The following HAUS3 variants were observed in gnomAD, a reference collection of about 807,000 sequenced individuals.
HAUS3 encodes HAUS augmin like complex subunit 3.
In HAUS3, 36 loss-of-function variants were observed where a neutral mutation model predicts 55.2. The ratio of observed to expected loss-of-function variants is 0.65; its 90% confidence interval spans 0.50 to 0.86. The LOEUF (loss-of-function observed/expected upper bound fraction) is 0.86. Ranked by LOEUF, HAUS3 falls within the 40% of genes least tolerant of loss-of-function variation. The probability of loss-of-function intolerance (pLI) is 0.00; values close to 1 mark genes in which losing one functional copy is unlikely to be tolerated. For synonymous variants in HAUS3, 234 were observed against 238.6 expected, an observed-to-expected ratio of 0.98 and a Z score of 0.18; for missense variants, 752 against 671.5, an observed-to-expected ratio of 1.12 and a Z score of -1.33.
At position 2,238,670 on chromosome 4, in the gene HAUS3, T is replaced by C; in HGVS notation, c.1283A>G (p.Asp428Gly). 2 of 1,613,224 alleles carry C rather than the reference T, an allele frequency of 1.2e-6. No individual in the cohort carries two copies. Among genetic ancestry groups the C allele is most frequent in the Non-Finnish European group, 1.7e-6 (2 of 1,179,346 alleles). The change falls in exon 4 of 6, where the codon GAT becomes GGT. Residue 428 changes from aspartate to glycine, a missense_variant. Physicochemically the swap from Asp to Gly is moderately conservative, Grantham distance 94. Transcript: ENST00000443786. ...MLYKQLEMLT[D>G]PSVSQQINPR... Reference sequence around the variant, plus strand: ...ATTTATCTGTTGAGAAACTGATGGATCTGTTAACATTTCTAATTGCTTGTA... The same window carrying C: ...ATTTATCTGTTGAGAAACTGATGGACCTGTTAACATTTCTAATTGCTTGTA...
chr4:2,242,075 G>A lies in HAUS3; in HGVS notation c.-443C>T, dbSNP rs886239719. 54 of 985,644 alleles carry A rather than the reference G, an allele frequency of 5.5e-5. No individual in the cohort carries two copies. The highest frequency in any genetic ancestry group is 1.9e-5 in the Non-Finnish European group (16 of 830,172). The allele number at this position is 985,644 out of a possible 1,614,324, so 61.1% of individuals were successfully genotyped here. On this transcript the variant is annotated 5_prime_UTR_variant, in exon 1 of 6. Transcript: ENST00000443786. ...CCTCAGGAAGTTCCGCTTGCTTCTC[G>A]CAGGAGCCCGCCGCCACCGCCCTCC...
At chr4:2,234,063 AAAG>A (rs1328876593) in intron 5 of HAUS3, among the ~76,000 whole-genome samples, 42 of 152,376 alleles carry the variant, frequency 2.8e-4, no homozygotes, top group Admixed American at 5.9e-4. Context: ...AAAAGAAAAA[AAAG>A]AAGACTATCA....
chr4:2,241,989 G>A (rs915097436), intron 1 of HAUS3, 62 bp downstream of exon 1: 1 of 985,550 alleles, frequency 1.0e-6, no homozygotes, highest in Non-Finnish European at 1.2e-6. Context: ...TGCAGACGGG[G>A]ATCGCGGCCA....
Position 2,240,670 on chromosome 4 carries a change from T to C in HAUS3, c.277A>G (p.Arg93Gly). The change falls in exon 3 of 6, where the codon AGA becomes GGA. Residue 93 changes from arginine to glycine, a missense_variant. Arg to Gly is a moderately radical substitution (Grantham distance 125). Transcript: ENST00000443786. ...TTCTCCAGCTCTTTATCATCCAGTC[T>C]AGGTGTCTTCAAATCAGAAGTTTTA... is the stretch of plus-strand genomic sequence containing the variant. ...TCKTSDLKTP[R>G]LDDKELEKLE... is the part of the protein sequence containing the mutation. 6.2e-7 allele frequency: 1 copy of C among 1,614,080 alleles called. No individual in the cohort carries two copies. Among genetic ancestry groups the C allele is most frequent in the South Asian group, 1.1e-5 (1 of 91,062 alleles).
rs1402729459 is a variant in HAUS3 at position 2,239,186 on chromosome 4, T to C, written c.910-143A>G. 3 of 515,596 alleles carry C rather than the reference T, an allele frequency of 5.8e-6. No homozygotes were observed. In the Admixed American group the frequency reaches 1.1e-4, roughly 19 times the overall value. 31.9% of individuals were successfully genotyped at this position (515,596 alleles called of 1,614,324 possible). On this transcript the variant is annotated intron_variant, in intron 3 of 5. Coordinates refer to ENST00000443786, the MANE Select transcript of HAUS3 (RefSeq NM_001303143.2). Reference sequence around the variant, plus strand: ...ATTTAATATTCATATAAACAAAAATTACAGTTTAAAAGGGAAAAATGTGGA... The same window carrying C: ...ATTTAATATTCATATAAACAAAAATCACAGTTTAAAAGGGAAAAATGTGGA...
Position 2,228,351 on chromosome 4 carries a change from T to C in HAUS3, c.*3576A>G. 1 of 201,774 alleles carries C rather than the reference T, an allele frequency of 5.0e-6. No homozygotes were observed. Among genetic ancestry groups the C allele is most frequent in the Non-Finnish European group, 9.9e-6 (1 of 100,920 alleles). 12.5% of individuals were successfully genotyped at this position (201,774 alleles called of 1,614,324 possible). On this transcript the variant is annotated 3_prime_UTR_variant, in exon 6 of 6. Transcript: ENST00000443786. ...TGTGAGCATATCACTGCTTTCACTT[T>C]TTTTTTTTTTTTTTTTTGAGATAGA...
At chr4:2,236,179 A>T (rs751681939) in intron 5 of HAUS3, 49 bp downstream of exon 5, 4 of 1,120,616 alleles carry the variant, frequency 3.6e-6, no homozygotes, top group Non-Finnish European at 5.2e-6. Context: ...ATCTTTTACA[A>T]CAAGCATTTT....
intron 3 of HAUS3, among the ~76,000 whole-genome samples, 174 bp downstream of exon 3, chr4:2,239,864 T>C (rs1289876467): frequency 6.6e-6 from 1 of 152,220 alleles, no homozygotes; most frequent in Non-Finnish European, 1.5e-5. Flanking sequence ...TCCATTAACG[T>C]ATGGAACTAT....
Position 2,235,621 on chromosome 4 carries a change from T to C in HAUS3, c.1578+607A>G, listed in dbSNP as rs572607444. Among the ~76,000 whole-genome samples the C allele has an allele frequency of 4.3e-4, 65 of 152,274 alleles. 1 individual carries two copies. Among genetic ancestry groups the C allele is most frequent in the African/African-American group, 1.4e-3 (57 of 41,550 alleles). ...TGAGTCTCAAAAACATATTAAGCCA[T>C]TGAAAAAGCAAGCAAGTCATTGAAG... On this transcript the variant is annotated intron_variant, in intron 5 of 5. Transcript: ENST00000443786.
At position 2,231,957 on chromosome 4, in the gene HAUS3, T is replaced by C; in HGVS notation, c.1782A>G (p.Ser594=). Residue 594 remains serine, a synonymous_variant, in exon 6 of 6, where the codon TCA becomes TCG. Transcript: ENST00000443786. ...CTTCAAGACTAACAGCCTTAATCTTTGATTGAGTTTCTAAATTCTCCACAA... is the reference window on the plus strand; with the variant it reads ...CTTCAAGACTAACAGCCTTAATCTTCGATTGAGTTTCTAAATTCTCCACAA... ...KDIVENLETQ[S]KIKAVSLED 1 of 1,426,326 alleles carries C rather than the reference T, an allele frequency of 7.0e-7. No individual in the cohort carries two copies. The highest frequency in any genetic ancestry group is 9.7e-7 in the Non-Finnish European group (1 of 1,025,676). The allele number at this position is 1,426,326 out of a possible 1,614,324, so 88.4% of individuals were successfully genotyped here.
chr4:2,236,787 C>T (rs1203413351), intron 4 of HAUS3, among the ~76,000 whole-genome samples: 2 of 151,642 alleles, frequency 1.3e-5, no homozygotes, highest in South Asian at 2.1e-4. Flanking sequence ...TGCTTGAACT[C>T]GGGAGGCAGA....
chr4:2,231,088 A>T lies in HAUS3; in HGVS notation c.*839T>A, dbSNP rs976167687. 6.6e-6 allele frequency: 1 copy of T among 152,142 alleles called. No homozygotes were observed. Among genetic ancestry groups the T allele is most frequent in the Admixed American group, 6.5e-5 (1 of 15,276 alleles). 9.4% of individuals were successfully genotyped at this position (152,142 alleles called of 1,614,324 possible). On this transcript the variant is annotated 3_prime_UTR_variant, in exon 6 of 6. Coordinates refer to ENST00000443786, the MANE Select transcript of HAUS3 (RefSeq NM_001303143.2). ...AAACTTTTGAGTCCCCAGAATTCAG[A>T]CTCTAAAATGAATGCAGGCAGGCCA...
rs1734534964 is a variant in HAUS3, at chr4:2,230,282, T to TA, written c.*1644dup. On this transcript the variant is annotated 3_prime_UTR_variant, in exon 6 of 6. Transcript: ENST00000443786. The stretch of plus-strand genomic sequence containing the variant: ...TGAACTCCAGCCTGAGTGACACAGT[T>TA]AGACTCTGTCTCAAAAATTAACTAA... The TA allele has an allele frequency of 6.6e-6, 1 of 152,172 alleles. No homozygotes were observed. Among genetic ancestry groups the TA allele is most frequent in the Non-Finnish European group, 1.5e-5 (1 of 68,032 alleles). The allele number at this position is 152,172 out of a possible 1,614,324, so 9.4% of individuals were successfully genotyped here. A position where few individuals can be genotyped will look rare whatever the true frequency, so the allele number is the denominator to read the frequency against.
rs190322284 is a variant in HAUS3, at chr4:2,229,480, A to G, written c.*2447T>C. On this transcript the variant is annotated 3_prime_UTR_variant, in exon 6 of 6. Coordinates refer to ENST00000443786, the MANE Select transcript of HAUS3 (RefSeq NM_001303143.2). ...AGATAACTTATTTTCTAGGTGACCA[A>G]TTTAGAAGCAATCTACTCAAATACA... is the stretch of plus-strand genomic sequence containing the variant. 3.4e-5 allele frequency: 11 copies of G among 319,844 alleles called. No homozygotes were observed. The highest frequency in any genetic ancestry group is 6.1e-5 in the South Asian group (1 of 16,300). 19.8% of individuals were successfully genotyped at this position (319,844 alleles called of 1,614,324 possible). A position where few individuals can be genotyped will look rare whatever the true frequency, so the allele number is the denominator to read the frequency against.
Position 2,240,308 on chromosome 4 carries a change from T to C in HAUS3, c.639A>G (p.Ala213=). ...YLSQEEQSTA[A]LTLYTKKQFF... Reference sequence around the variant, plus strand: ...ACTGTTTTTTGGTATACAAAGTTAATGCTGCTGTGCTTTGCTCTTCCTGAC... The same window carrying C: ...ACTGTTTTTTGGTATACAAAGTTAACGCTGCTGTGCTTTGCTCTTCCTGAC... Residue 213 remains alanine (A), a synonymous_variant, in exon 3 of 6, where the codon GCA becomes GCG. Coordinates refer to ENST00000443786, the MANE Select transcript of HAUS3 (RefSeq NM_001303143.2). The C allele has an allele frequency of 6.2e-7, 1 of 1,609,174 alleles. No homozygotes were observed. Among genetic ancestry groups the C allele is most frequent in the Non-Finnish European group, 8.5e-7 (1 of 1,176,938 alleles).
chr4:2,237,995 CCCT>C (rs1734827604), intron 4 of HAUS3, among the ~76,000 whole-genome samples: 1 of 152,042 alleles, frequency 6.6e-6, no homozygotes, highest in African/African-American at 2.4e-5. Flanking sequence ...CTATCCAGGC[CCCT>C]CATTTTATTA....
rs757297222 is a variant in HAUS3, at chr4:2,231,960, T to G, written c.1779A>C (p.Gln593His). 1 of 1,435,674 alleles carries G rather than the reference T, an allele frequency of 7.0e-7. No individual in the cohort carries two copies. The highest frequency in any genetic ancestry group is 1.4e-5 in the African/African-American group (1 of 69,830). 88.9% of individuals were successfully genotyped at this position (1,435,674 alleles called of 1,614,324 possible). A position where few individuals can be genotyped will look rare whatever the true frequency, so the allele number is the denominator to read the frequency against. Residue 593 changes from glutamine to histidine, a missense_variant, in exon 6 of 6, where the codon CAA becomes CAC. By Grantham distance (24) the Gln-to-His change is conservative. Coordinates refer to ENST00000443786, the MANE Select transcript of HAUS3 (RefSeq NM_001303143.2). The stretch of plus-strand genomic sequence containing the variant: ...CAAGACTAACAGCCTTAATCTTTGA[T>G]TGAGTTTCTAAATTCTCCACAATAT... ...LKDIVENLET[Q>H]SKIKAVSLED
rs1222122526 is a variant in HAUS3 at position 2,231,058 on chromosome 4, T to C, written c.*869A>G. ...AAGTCAAAGCACTGCTCAGCTGTCTTGTAGAAACTTTTGAGTCCCCAGAAT... is the reference window on the plus strand; with the variant it reads ...AAGTCAAAGCACTGCTCAGCTGTCTCGTAGAAACTTTTGAGTCCCCAGAAT... On this transcript the variant is annotated 3_prime_UTR_variant, in exon 6 of 6. Coordinates refer to ENST00000443786, the MANE Select transcript of HAUS3 (RefSeq NM_001303143.2). 1 of 152,220 alleles carries C rather than the reference T, an allele frequency of 6.6e-6. No individual in the cohort carries two copies. Among genetic ancestry groups the C allele is most frequent in the Non-Finnish European group, 1.5e-5 (1 of 68,040 alleles). The allele number at this position is 152,220 out of a possible 1,614,324, so 9.4% of individuals were successfully genotyped here.
chr4:2,241,118 A>G, intron 2 of HAUS3, 25 bp from the exon 3 acceptor site: 1 of 554,470 alleles, frequency 1.8e-6, no homozygotes, highest in Non-Finnish European at 3.1e-6. Context: ...AACAAGTATT[A>G]GACCACAAAT....
Sources: allele counts gnomAD v4.1 joint callset (sites outside exome capture counted in the v4.1 genomes callset), GRCh38; gene constraint gnomAD v4.1.1; transcripts MANE v1.5; gene names NCBI Gene and HGNC (gene_info 2026-07-23, HGNC 2026-07-21).